Variants in CTNNA3 observed in about 807,000 individuals in gnomAD.
CTNNA3 encodes the protein catenin alpha 3.
A neutral mutation model predicts 95.7 loss-of-function variants in CTNNA3; 76 were observed. The observed-to-expected ratio is 0.79, with a 90% CI of 0.66 to 0.96. The LOEUF (loss-of-function observed/expected upper bound fraction) is 0.96. CTNNA3 is among the 40% of genes least tolerant of loss of function. The pLI, the probability that CTNNA3 is intolerant of heterozygous loss-of-function variation, is 0.00. For missense variants in CTNNA3, 1,191 were observed against 1,089.8 expected, an observed-to-expected ratio of 1.09 and a Z score of -1.31; for synonymous variants, 431 against 374.4, an observed-to-expected ratio of 1.15 and a Z score of -1.74.
intron 16 of CTNNA3, among the ~76,000 whole-genome samples, chr10:65,982,295 A>T (rs1369556224): frequency 6.6e-6 from 1 of 151,890 alleles, no homozygotes; most frequent in Non-Finnish European, 1.5e-5. Context: ...AACCACAACG[A>T]GATACCACCT....
At chr10:67,374,906 A>C (rs1034918474) in intron 5 of CTNNA3, among the ~76,000 whole-genome samples, 2 of 152,198 alleles carry the variant, frequency 1.3e-5, no homozygotes, top group African/African-American at 2.4e-5. Flanking sequence ...TTTAATATAC[A>C]AATATATATC....
intron 5 of CTNNA3, among the ~76,000 whole-genome samples, chr10:67,486,739 T>G (rs1848464877): frequency 6.6e-6 from 1 of 152,188 alleles, no homozygotes. Flanking sequence ...GTCCTCTGAT[T>G]TTGTTCTACA....
intron 13 of CTNNA3, among the ~76,000 whole-genome samples, chr10:66,167,715 G>A (rs149820044): frequency 6.6e-6 from 1 of 152,128 alleles, no homozygotes; most frequent in African/African-American, 2.4e-5. Context: ...GCTGGAAAAG[G>A]CTAAGAGAAC....
chr10:67,174,685 C>T (rs1027104242), intron 7 of CTNNA3, among the ~76,000 whole-genome samples: 2 of 152,120 alleles, frequency 1.3e-5, no homozygotes, highest in African/African-American at 2.4e-5. Context: ...ACCAGATCCC[C>T]ACTATTTATT....
intron 5 of CTNNA3, among the ~76,000 whole-genome samples, chr10:67,315,474 A>G (rs1322746428): frequency 6.6e-6 from 1 of 152,170 alleles, no homozygotes; most frequent in Non-Finnish European, 1.5e-5. Flanking sequence ...TCCTTTAACT[A>G]TAAACTAAAC....
At chr10:66,817,799 G>A (rs558655708) in intron 7 of CTNNA3, among the ~76,000 whole-genome samples, 18 of 151,958 alleles carry the variant, frequency 1.2e-4, no homozygotes, top group African/African-American at 3.9e-4. Context: ...TATTTCTTGA[G>A]GTCAGCATTA....
intron 5 of CTNNA3, among the ~76,000 whole-genome samples, chr10:67,242,815 G>C (rs186074295): frequency 5.3e-5 from 8 of 152,298 alleles, no homozygotes; most frequent in Admixed American, 2.6e-4. Flanking sequence ...AATGGAAATA[G>C]CATAAGCTTT....
intron 7 of CTNNA3, among the ~76,000 whole-genome samples, chr10:66,942,263 C>A (rs753104484): frequency 3.3e-4 from 50 of 152,062 alleles, no homozygotes; most frequent in Non-Finnish European, 4.7e-4. Context: ...GCCAAGTCTG[C>A]AATATATAAA....
At chr10:65,956,376 G>T (rs2077732861) in intron 17 of CTNNA3, among the ~76,000 whole-genome samples, 1 of 152,112 alleles carries the variant, frequency 6.6e-6, no homozygotes, top group Non-Finnish European at 1.5e-5. Context: ...GGTTTTTTGT[G>T]TCTCTGTTTC....
intron 10 of CTNNA3, among the ~76,000 whole-genome samples, chr10:66,558,023 C>T (rs749539502): frequency 8.5e-5 from 13 of 152,092 alleles, no homozygotes; most frequent in Non-Finnish European, 1.5e-4. Context: ...GACAATCATA[C>T]TCCTTACCCT....
intron 7 of CTNNA3, chr10:67,099,427 T>C (rs999687557): frequency 2.6e-5 from 4 of 151,694 alleles, no homozygotes; most frequent in African/African-American, 9.7e-5. Context: ...AGATTGACAA[T>C]ACATCAATCT....
intron 4 of CTNNA3, among the ~76,000 whole-genome samples, chr10:67,532,722 G>C (rs1354255564): frequency 6.6e-6 from 1 of 152,156 alleles, no homozygotes; most frequent in East Asian, 1.9e-4. Context: ...AGATGGGACA[G>C]GGAAAGAAGG....
intron 15 of CTNNA3, among the ~76,000 whole-genome samples, chr10:66,063,651 A>G (rs2080255446): frequency 6.6e-6 from 1 of 151,888 alleles, no homozygotes; most frequent in South Asian, 2.1e-4. Flanking sequence ...AGAAATACTG[A>G]TATTATTGGT....
chr10:66,936,020 T>C, intron 7 of CTNNA3, among the ~76,000 whole-genome samples: 1 of 152,160 alleles, frequency 6.6e-6, no homozygotes, highest in Non-Finnish European at 1.5e-5. Flanking sequence ...TCTGCCAGTA[T>C]AGTGTTCCTT....
At chr10:67,497,140 T>C (rs1358196609) in intron 5 of CTNNA3, among the ~76,000 whole-genome samples, 1 of 152,156 alleles carries the variant, frequency 6.6e-6, no homozygotes, top group African/African-American at 2.4e-5. Flanking sequence ...TGCCCATGTA[T>C]TCTCATTGTT....
At chr10:66,030,741 A>C (rs1255646768) in intron 15 of CTNNA3, among the ~76,000 whole-genome samples, 1 of 152,172 alleles carries the variant, frequency 6.6e-6, no homozygotes, top group Non-Finnish European at 1.5e-5. Flanking sequence ...TCTGCACAGC[A>C]AAATAAATTA....
chr10:67,043,526 G>T (rs1191689133), intron 7 of CTNNA3, among the ~76,000 whole-genome samples: 2 of 152,058 alleles, frequency 1.3e-5, no homozygotes, highest in African/African-American at 4.8e-5. Flanking sequence ...TTATTTCAAT[G>T]ATTTCTCTGC....
At chr10:67,705,739 T>A (rs566272832) in intron 1 of CTNNA3, among the ~76,000 whole-genome samples, 1 of 148,872 alleles carries the variant, frequency 6.7e-6, no homozygotes, top group South Asian at 2.1e-4. Context: ...GTAACTAACC[T>A]GCACATTGTG....
intron 9 of CTNNA3, among the ~76,000 whole-genome samples, chr10:66,756,950 T>C (rs1220347842): frequency 6.6e-6 from 1 of 152,172 alleles, no homozygotes; most frequent in Non-Finnish European, 1.5e-5. Context: ...GTGATGGGAT[T>C]GTGTTTTTGC....
Sources: gnomAD v4.1 joint callset for allele counts (sites outside exome capture counted in the v4.1 genomes callset) on GRCh38, gnomAD v4.1.1 for gene constraint, MANE v1.5 for transcripts, NCBI Gene and HGNC (gene_info 2026-07-23, HGNC 2026-07-21) for gene names.